Variants in HSPA12A observed in about 807,000 individuals in gnomAD.
HSPA12A encodes heat shock 70 kDa protein 12A.
In HSPA12A, 28 loss-of-function variants were observed where a neutral mutation model predicts 69.2. The ratio of observed to expected loss-of-function variants is 0.40; its 90% CI spans 0.30 to 0.55. The LOEUF (loss-of-function observed/expected upper bound fraction) is 0.55, where lower values mean the gene tolerates loss of function less well. Ranked by LOEUF, HSPA12A falls within the 20% of genes least tolerant of loss-of-function variation. The probability of loss-of-function intolerance (pLI) is 0.38; values close to 1 mark genes in which losing one functional copy is unlikely to be tolerated. For missense variants in HSPA12A, 686 were observed against 900.7 expected, an observed-to-expected ratio of 0.76 and a Z score of 3.05; for synonymous variants, 345 against 370.5, an observed-to-expected ratio of 0.93 and a Z score of 0.79.
intron 2 of HSPA12A, among the ~76,000 whole-genome samples, chr10:116,786,946 G>A (rs975684183): frequency 6.6e-6 from 1 of 151,526 alleles, no homozygotes; most frequent in African/African-American, 2.4e-5. Context: ...AGCCTCCTGG[G>A]GACATGTTTT....
intron 2 of HSPA12A, among the ~76,000 whole-genome samples, chr10:116,819,444 G>A (rs2133195386): frequency 6.6e-6 from 1 of 152,294 alleles, no homozygotes; most frequent in African/African-American, 2.4e-5. Context: ...CCTTTGAGAG[G>A]TGACTGGGTC....
chr10:116,683,775 G>C lies in HSPA12A; in HGVS notation c.835+16C>G. ...AAGGAAGGAGAGCAGGAGGGGGAGA[G>C]AGAGAGCAGAGGTACCCTGTGTAAA... On this transcript the variant is annotated intron_variant, in intron 7 of 11. Transcript: ENST00000369209. The C allele has an allele frequency of 6.0e-6, 9 of 1,512,104 alleles. No homozygotes were observed. The highest frequency in any genetic ancestry group is 8.1e-6 in the Non-Finnish European group (9 of 1,111,582). The allele number at this position is 1,512,104 out of a possible 1,614,324, so 93.7% of individuals were successfully genotyped here.
At chr10:116,761,802 T>C (rs1213660829) in intron 2 of HSPA12A, among the ~76,000 whole-genome samples, 1 of 151,624 alleles carries the variant, frequency 6.6e-6, no homozygotes, top group African/African-American at 2.4e-5. Flanking sequence ...AGAGAGATGC[T>C]AGAGGTGGCT....
At chr10:116,692,946 T>C (rs191043102) in intron 5 of HSPA12A, among the ~76,000 whole-genome samples, 2 of 152,186 alleles carry the variant, frequency 1.3e-5, no homozygotes, top group African/African-American at 4.8e-5. Context: ...AGGAAGGGAG[T>C]CTCACTGCGC....
chr10:116,783,010 AC>A (rs1218610448), intron 2 of HSPA12A, among the ~76,000 whole-genome samples: 1 of 152,218 alleles, frequency 6.6e-6, no homozygotes, highest in Non-Finnish European at 1.5e-5. Context: ...AAGGGAAATG[AC>A]AAATGTCTCC....
At position 116,704,115 on chromosome 10, in the gene HSPA12A, T is replaced by C. The variant is rs563394239; in HGVS notation, c.254+1036A>G. On this transcript the variant is annotated intron_variant, in intron 3 of 11. Coordinates refer to ENST00000369209, the MANE Select transcript of HSPA12A (RefSeq NM_025015.3). ...GACCCAGCCATCCCATTACTGGGTA[T>C]ACCCAAAGGATTATAAATCATGCTG... Among the ~76,000 whole-genome samples, 5 of 152,332 alleles carry C rather than the reference T, an allele frequency of 3.3e-5. No individual in the cohort carries two copies. In the East Asian group the frequency reaches 7.7e-4, roughly 24 times the overall value.
chr10:116,700,988 C>T lies in HSPA12A; in HGVS notation c.396G>A (p.Gln132=). The change falls in exon 4 of 12, where the codon CAG becomes CAA. Residue 132 remains glutamine, a synonymous_variant. Coordinates refer to ENST00000369209, the MANE Select transcript of HSPA12A (RefSeq NM_025015.3). ...TCTTGAACTTCTCCAGGTACAGCCACTGCTTGGCCTCATTGGGATCCAGGT... is the reference window on the plus strand; with the variant it reads ...TCTTGAACTTCTCCAGGTACAGCCATTGCTTGGCCTCATTGGGATCCAGGT... ...YHDLDPNEAK[Q]WLYLEKFKMK... 6.2e-7 allele frequency: 1 copy of T among 1,614,032 alleles called. No individual in the cohort carries two copies. Among genetic ancestry groups the T allele is most frequent in the Non-Finnish European group, 8.5e-7 (1 of 1,180,044 alleles).
At chr10:116,770,718 C>T (rs1436895211) in intron 2 of HSPA12A, among the ~76,000 whole-genome samples, 2 of 152,180 alleles carry the variant, frequency 1.3e-5, no homozygotes, top group African/African-American at 4.8e-5. Context: ...ACCTCCTGTG[C>T]ACTGTTCCCA....
intron 2 of HSPA12A, among the ~76,000 whole-genome samples, chr10:116,752,136 C>T (rs889184879): frequency 2.6e-5 from 4 of 152,144 alleles, no homozygotes; most frequent in East Asian, 1.9e-4. Flanking sequence ...CAGATGGGGA[C>T]GTTGGGGGTG....
chr10:116,735,129 A>G (rs1851276326), intron 1 of HSPA12A, among the ~76,000 whole-genome samples: 1 of 152,286 alleles, frequency 6.6e-6, no homozygotes, highest in Non-Finnish European at 1.5e-5. Flanking sequence ...CACATGTTCT[A>G]GCACAACAAA....
chr10:116,698,771 G>T (rs782323587), intron 4 of HSPA12A, 32 bp from the exon 5 acceptor site: 3 of 1,527,000 alleles, frequency 2.0e-6, no homozygotes, highest in African/African-American at 2.7e-5. Context: ...ATAGTAAGAA[G>T]ATGACACAGG....
chr10:116,779,178 C>G (rs1208311006), intron 2 of HSPA12A, among the ~76,000 whole-genome samples: 1 of 152,196 alleles, frequency 6.6e-6, no homozygotes, highest in Non-Finnish European at 1.5e-5. Flanking sequence ...ACATCGTGAG[C>G]GACACATCGT....
intron 1 of HSPA12A, among the ~76,000 whole-genome samples, chr10:116,837,864 C>T (rs1043514624): frequency 3.3e-5 from 5 of 151,818 alleles, no homozygotes; most frequent in South Asian, 2.1e-4. Flanking sequence ...AACTGATTCC[C>T]GAATATGAAG....
At chr10:116,849,409 T>A in intron 1 of HSPA12A, 2 of 1,051,460 alleles carry the variant, frequency 1.9e-6, no homozygotes, top group Non-Finnish European at 2.6e-6. Flanking sequence ...AATACCATCC[T>A]AGCTCCAATA....
chr10:116,694,684 G>T (rs781925860), intron 5 of HSPA12A, among the ~76,000 whole-genome samples: 1 of 152,092 alleles, frequency 6.6e-6, no homozygotes, highest in Non-Finnish European at 1.5e-5. Context: ...GCCCCTGTGC[G>T]CTCTGCACTC....
In HSPA12A at chr10:116,735,399, A is replaced by G. The variant is rs576895667; in HGVS notation, c.40+7031T>C. Among the ~76,000 whole-genome samples, 342 of 152,326 alleles carry G rather than the reference A, an allele frequency of 2.2e-3. 1 individual carries two copies. Among genetic ancestry groups the G allele is most frequent in the African/African-American group, 7.6e-3 (315 of 41,578 alleles). ...GCTGTGACCACCAGGAATACAGCAG[A>G]CGTGATTTTATTGGACTTCCCAGGA... On this transcript the variant is annotated intron_variant, in intron 1 of 11. Transcript: ENST00000369209.
At chr10:116,682,460 G>C (rs189619789) in intron 7 of HSPA12A, among the ~76,000 whole-genome samples, 100 of 150,960 alleles carry the variant, frequency 6.6e-4, no homozygotes, top group East Asian at 3.5e-3. Context: ...TAGACTGGGG[G>C]GGGGGGCCAT....
chr10:116,683,672 C>A, intron 7 of HSPA12A, 119 bp downstream of exon 7: 1 of 1,072,202 alleles, frequency 9.3e-7, no homozygotes. Flanking sequence ...CCACCTCCTC[C>A]CGGAGTATCC....
At chr10:116,835,755 C>T (rs1845698371) in intron 1 of HSPA12A, among the ~76,000 whole-genome samples, 2 of 152,152 alleles carry the variant, frequency 1.3e-5, no homozygotes, top group Non-Finnish European at 2.9e-5. Flanking sequence ...ATTCAGCTTC[C>T]ACACTTGTGC....
Sources: allele counts gnomAD v4.1 joint callset (sites outside exome capture counted in the v4.1 genomes callset), GRCh38; gene constraint gnomAD v4.1.1; transcripts MANE v1.5; gene names NCBI Gene and HGNC (gene_info 2026-07-23, HGNC 2026-07-21).